The following DGKH variants were observed in gnomAD, a reference collection of about 807,000 sequenced individuals.
DGKH encodes the protein diacylglycerol kinase eta.
DGKH carries 90 observed loss-of-function variants against 159.3 expected under a neutral mutation model. The observed-to-expected ratio is 0.57, with a 90% CI of 0.48 to 0.67. The LOEUF is 0.67. Ranked by LOEUF, DGKH falls within the 30% of genes least tolerant of loss-of-function variation. DGKH has a pLI of 0.00. For synonymous variants in DGKH, 536 were observed against 553.8 expected, an observed-to-expected ratio of 0.97 and a Z score of 0.45; for missense variants, 1,181 against 1,506.1, an observed-to-expected ratio of 0.78 and a Z score of 3.57.
upstream of DGKH, among the ~76,000 whole-genome samples, chr13:42,044,763 T>C (rs1593940963): frequency 6.6e-6 from 1 of 152,356 alleles, no homozygotes; most frequent in East Asian, 1.9e-4. Flanking sequence ...AGTTTCTGTG[T>C]ATTTTCTTTA....
intron 5 of DGKH, among the ~76,000 whole-genome samples, chr13:42,157,436 G>T (rs951456831): frequency 1.3e-5 from 2 of 152,064 alleles, no homozygotes; most frequent in African/African-American, 4.8e-5. Flanking sequence ...CATTTTAAAA[G>T]AAAAATGAAA....
At chr13:42,251,516 T>A (rs577285698) in intron 29 of DGKH, among the ~76,000 whole-genome samples, 9 of 152,328 alleles carry the variant, frequency 5.9e-5, no homozygotes, top group African/African-American at 2.2e-4. Context: ...TTAACTGAAA[T>A]CACTTCTTCC....
intron 4 of DGKH, 115 bp from the exon 5 acceptor site, chr13:42,155,552 G>T (rs1956022979): frequency 6.4e-7 from 1 of 1,557,562 alleles, no homozygotes; most frequent in Admixed American, 1.9e-5. Flanking sequence ...AAGTGCTTTG[G>T]TTTTAAAAAT....
intron 30 of DGKH, chr13:42,255,973 C>T (rs1202776552): frequency 1.2e-6 from 2 of 1,610,756 alleles, no homozygotes; most frequent in African/African-American, 2.7e-5. Context: ...TGGTTGAGCT[C>T]AGTGGAGCCA....
chr13:42,077,606 C>T (rs1299746702), intron 1 of DGKH, among the ~76,000 whole-genome samples: 3 of 152,208 alleles, frequency 2.0e-5, no homozygotes, highest in Non-Finnish European at 4.4e-5. Flanking sequence ...TTTTACTATG[C>T]TTGGCCCTGG....
At chr13:42,132,878 T>A (rs1170177) in intron 3 of DGKH, among the ~76,000 whole-genome samples, 15,427 of 151,532 alleles carry the variant, frequency 0.1, 1,881 homozygotes, top group African/African-American at 0.29. Flanking sequence ...CTAAAAAAAA[T>A]TTTTTTTTGG....
chr13:42,072,904 T>G (rs917040696), intron 1 of DGKH, among the ~76,000 whole-genome samples: 4 of 152,050 alleles, frequency 2.6e-5, no homozygotes, highest in African/African-American at 9.7e-5. Context: ...ACTTCTCCCC[T>G]TAGCACTGAT....
intron 15 of DGKH, among the ~76,000 whole-genome samples, chr13:42,189,760 A>G (rs1366820001): frequency 6.6e-6 from 1 of 152,060 alleles, no homozygotes; most frequent in African/African-American, 2.4e-5. Flanking sequence ...TCCACCTCCC[A>G]GGCTCGAGCT....
chr13:42,102,811 A>C (rs1954676524), intron 1 of DGKH, among the ~76,000 whole-genome samples: 1 of 152,230 alleles, frequency 6.6e-6, no homozygotes, highest in Non-Finnish European at 1.5e-5. Context: ...CTTGGAACGG[A>C]GTTCATTCAG....
intron 1 of DGKH, chr13:42,070,761 C>G: frequency 6.3e-7 from 1 of 1,581,674 alleles, no homozygotes; most frequent in Non-Finnish European, 8.6e-7. Context: ...AGTCTGTCTT[C>G]ATGTACTCCT....
chr13:42,045,785 G>A (rs571281642), upstream of DGKH, among the ~76,000 whole-genome samples: 7 of 152,298 alleles, frequency 4.6e-5, no homozygotes, highest in African/African-American at 1.2e-4. Flanking sequence ...TATTTATGGC[G>A]TAATATTTAA....
rs879534665 is a variant in DGKH at position 42,252,752 on chromosome 13, C to CT, written n.4127+284dup. Among the ~76,000 whole-genome samples the CT allele has an allele frequency of 2.2e-3, 316 of 146,298 alleles. 2 individuals carry two copies. Among genetic ancestry groups the CT allele is most frequent in the South Asian group, 5.6e-3 (26 of 4,612 alleles). ...GGGGAAGGTCTCATGCATCCTACAA[C>CT]TTTTTTTTTTTTTGAGACAGAGTCT... On this transcript the variant is annotated intron_variant and non_coding_transcript_variant, in intron 30 of 30. Transcript: ENST00000498255.
intron 9 of DGKH, among the ~76,000 whole-genome samples, chr13:42,167,439 C>T (rs534431009): frequency 3.3e-5 from 5 of 152,262 alleles, no homozygotes; most frequent in Admixed American, 6.5e-5. Flanking sequence ...TTTTGTGTTT[C>T]GTAATGTGAT....
chr13:42,161,781 C>CAAAA (rs34855614), intron 7 of DGKH, among the ~76,000 whole-genome samples: 33 of 100,564 alleles, frequency 3.3e-4, no homozygotes, highest in South Asian at 1.4e-3. Context: ...CTCTGCCTCT[C>CAAAA]AAAAAAAAAA....
At chr13:42,062,988 CAT>C (rs1882295141) in intron 1 of DGKH, among the ~76,000 whole-genome samples, 2 of 151,952 alleles carry the variant, frequency 1.3e-5, no homozygotes, top group Admixed American at 6.6e-5. Flanking sequence ...TGGTGGCTCT[CAT>C]AAAAACTGGT....
At chr13:42,220,021 T>C (rs1957926485) in intron 28 of DGKH, among the ~76,000 whole-genome samples, 1 of 152,180 alleles carries the variant, frequency 6.6e-6, no homozygotes, top group Non-Finnish European at 1.5e-5. Flanking sequence ...AAAACACATC[T>C]GAGTATCAGT....
chr13:42,222,909 A>G (rs976261920), intron 29 of DGKH, among the ~76,000 whole-genome samples: 2 of 152,214 alleles, frequency 1.3e-5, no homozygotes, highest in African/African-American at 4.8e-5. Context: ...ATGGAAAAAC[A>G]TACACTAAGG....
chr13:42,250,999 T>A (rs1461994693), intron 29 of DGKH, among the ~76,000 whole-genome samples: 1 of 152,204 alleles, frequency 6.6e-6, no homozygotes, highest in African/African-American at 2.4e-5. Context: ...CCTGCAGTAA[T>A]CTTAATTTTA....
chr13:42,058,579 C>T (rs967178614), intron 1 of DGKH, among the ~76,000 whole-genome samples: 1 of 152,160 alleles, frequency 6.6e-6, no homozygotes. Context: ...TTGTCATGTA[C>T]TATATTATAT....
Sources: gnomAD v4.1 joint callset for allele counts (sites outside exome capture counted in the v4.1 genomes callset) on GRCh38, gnomAD v4.1.1 for gene constraint, MANE v1.5 for transcripts, NCBI Gene and HGNC (gene_info 2026-07-23, HGNC 2026-07-21) for gene names.